SETD2: variants seen among roughly 807,000 people sequenced by gnomAD.
SETD2 encodes SET domain containing 2, histone lysine methyltransferase.
Under a neutral mutation model 242.1 loss-of-function variants are expected in SETD2, and 31 were observed. That is an observed-to-expected ratio of 0.13 (90% CI 0.10 to 0.17). SETD2 has a LOEUF of 0.17. Ranked by LOEUF, SETD2 falls within the 10% of genes least tolerant of loss-of-function variation. The pLI is 1.00. For synonymous variants in SETD2, 1,006 were observed against 1,066.5 expected, an observed-to-expected ratio of 0.94 and a Z score of 1.11; for missense variants, 2,481 against 3,046.3, an observed-to-expected ratio of 0.81 and a Z score of 4.37.
At chr3:47,082,170 T>A (rs2041342968) in intron 12 of SETD2, among the ~76,000 whole-genome samples, 1 of 152,184 alleles carries the variant, frequency 6.6e-6, no homozygotes, top group Admixed American at 6.5e-5. Flanking sequence ...CCCACTATCA[T>A]ACGAAGAAAC....
chr3:47,118,197 C>T (rs567732943), intron 3 of SETD2, among the ~76,000 whole-genome samples: 9 of 152,212 alleles, frequency 5.9e-5, no homozygotes, highest in South Asian at 4.1e-4. Context: ...GATGACTAAA[C>T]GAAATTATCT....
At chr3:47,038,674 C>A (rs1438639653) in intron 17 of SETD2, among the ~76,000 whole-genome samples, 1 of 151,844 alleles carries the variant, frequency 6.6e-6, no homozygotes, top group African/African-American at 2.4e-5. Flanking sequence ...TATTCCCGAC[C>A]GACTGCAAAA....
intron 1 of SETD2, among the ~76,000 whole-genome samples, chr3:47,149,656 T>C (rs893297709): frequency 6.6e-6 from 1 of 152,170 alleles, no homozygotes; most frequent in Non-Finnish European, 1.5e-5. Context: ...CCCTCCCTGA[T>C]TGCCCACCTG....
chr3:47,110,149 G>A (rs2042594339), intron 5 of SETD2, among the ~76,000 whole-genome samples: 1 of 152,140 alleles, frequency 6.6e-6, no homozygotes, highest in Non-Finnish European at 1.5e-5. Flanking sequence ...ATAATGCTAA[G>A]TGAAAGAAGC....
At chr3:47,075,858 C>T (rs969078822) in intron 12 of SETD2, among the ~76,000 whole-genome samples, 1 of 152,082 alleles carries the variant, frequency 6.6e-6, no homozygotes, top group Non-Finnish European at 1.5e-5. Flanking sequence ...ATTTTCTGAC[C>T]ATCTATCAAA....
chr3:47,132,712 A>G (rs1428347262), intron 1 of SETD2, among the ~76,000 whole-genome samples: 1 of 152,222 alleles, frequency 6.6e-6, no homozygotes, highest in South Asian at 2.1e-4. Flanking sequence ...GATTTTAATA[A>G]GCAAAGACTT....
Position 47,083,900 on chromosome 3 carries a change from T to C in SETD2, c.5880A>G (p.Ile1960Met), listed in dbSNP as rs2041425848. The C allele has an allele frequency of 2.5e-6, 4 of 1,614,080 alleles. No individual in the cohort carries two copies. The highest frequency in any genetic ancestry group is 1.1e-5 in the South Asian group (1 of 91,088). Residue 1960 changes from isoleucine (I) to methionine (M), a missense_variant, in exon 12 of 21, where the codon ATA (isoleucine) becomes ATG (methionine). Ile to Met is a conservative substitution (Grantham distance 10). Around this residue, in one of 17 missense-constraint regions of SETD2, gnomAD observed 203 missense variants for 222.4 expected, o/e 0.91. Transcript: ENST00000409792. ...TTGTGCCGTTGCTCTCTTTGGGCTC[T>C]ATTTCAGCGTCAGCTTCTGGTTCAG... is the stretch of plus-strand genomic sequence containing the variant. ...PTSEPEADAE[I>M]EPKESNGTKL...
chr3:47,034,699 A>G (rs2038925729), intron 18 of SETD2, among the ~76,000 whole-genome samples: 1 of 152,208 alleles, frequency 6.6e-6, no homozygotes, highest in Admixed American at 6.5e-5. Context: ...AAATGACAAA[A>G]TAAATAAATC....
At chr3:47,108,348 G>A (rs922465309) in intron 5 of SETD2, among the ~76,000 whole-genome samples, 2 of 151,972 alleles carry the variant, frequency 1.3e-5, no homozygotes, top group Non-Finnish European at 2.9e-5. Context: ...GCTTTTGAAA[G>A]GTAGTATGAA....
At chr3:47,159,511 G>C (rs1365348461) in intron 1 of SETD2, among the ~76,000 whole-genome samples, 1 of 152,062 alleles carries the variant, frequency 6.6e-6, no homozygotes, top group Non-Finnish European at 1.5e-5. Flanking sequence ...TTACCATCTT[G>C]GTACTGGCAG....
rs375514539 is a variant in SETD2 at position 47,122,975 on chromosome 3, C to T, written c.1661G>A (p.Arg554His). Residue 554 changes from arginine (R) to histidine (H), a missense_variant, in exon 3 of 21, where the codon CGT (arginine) becomes CAT (histidine). Arg to His is a conservative substitution (Grantham distance 29). Transcript: ENST00000409792. ...SYSKHDSSAS[R>H]YKSTLSKPIP... ...AGGTTTTGAAAGGGTAGATTTATAA[C>T]GGGAAGCACTACTGTCATGCTTAGA... The T allele has an allele frequency of 3.0e-5, 48 of 1,613,692 alleles. No individual in the cohort carries two copies. The highest frequency in any genetic ancestry group is 9.3e-5 in the African/African-American group (7 of 74,912).
At chr3:47,031,604 G>T (rs1559646391) in intron 18 of SETD2, among the ~76,000 whole-genome samples, 1 of 152,206 alleles carries the variant, frequency 6.6e-6, no homozygotes, top group Non-Finnish European at 1.5e-5. Context: ...AGAATGAAGA[G>T]TGCTGGAAAT....
intron 1 of SETD2, among the ~76,000 whole-genome samples, chr3:47,159,936 C>T (rs1163356088): frequency 6.6e-6 from 1 of 151,530 alleles, no homozygotes; most frequent in Admixed American, 6.6e-5. Flanking sequence ...GATCACACCA[C>T]TGCACTCCAG....
rs758099167 is a variant in SETD2 at position 47,062,366 on chromosome 3, TG to T, written c.6110-21del. On this transcript the variant is annotated intron_variant, in intron 13 of 20. Coordinates refer to ENST00000409792, the MANE Select transcript of SETD2 (RefSeq NM_014159.7). ...CAGTTGCTAAGGGAAAAGGGTGGTT[TG>T]TTTGTTTTTTTTTTTTTTAAGTTTA... is the stretch of plus-strand genomic sequence containing the variant. 2 of 1,494,370 alleles carry T rather than the reference TG, an allele frequency of 1.3e-6. No individual in the cohort carries two copies. The highest frequency in any genetic ancestry group is 2.5e-5 in the South Asian group (2 of 79,872). 92.6% of individuals were successfully genotyped at this position (1,494,370 alleles called of 1,614,324 possible).
rs184731504 is a variant in SETD2 at position 47,063,183 on chromosome 3, A to G, written c.6110-837T>C. Among the ~76,000 whole-genome samples, 327 of 152,320 alleles carry G rather than the reference A, an allele frequency of 2.1e-3. 1 individual carries two copies. Among genetic ancestry groups the G allele is most frequent in the African/African-American group, 7.3e-3 (302 of 41,574 alleles). On this transcript the variant is annotated intron_variant, in intron 13 of 20. Transcript: ENST00000409792. ...GTAGATTTGGTTGACAAAAAAATCC[A>G]CTGTATGTGTGGACTTGTGCAGTTC...
chr3:47,128,258 G>A (rs1483205887), intron 1 of SETD2, among the ~76,000 whole-genome samples: 3 of 152,098 alleles, frequency 2.0e-5, no homozygotes, highest in African/African-American at 2.4e-5. Context: ...AACACAATGC[G>A]CAGCTCTCTG....
In SETD2 at chr3:47,016,498, A is replaced by AT. The variant is rs903119938; in HGVS notation, c.*594dup. 23 of 233,304 alleles carry AT rather than the reference A, an allele frequency of 9.9e-5. No homozygotes were observed. The highest frequency in any genetic ancestry group is 4.8e-4 in the African/African-American group (22 of 45,438). The allele number at this position is 233,304 out of a possible 1,614,324, so 14.5% of individuals were successfully genotyped here. A position where few individuals can be genotyped will look rare whatever the true frequency, so the allele number is the denominator to read the frequency against. On this transcript the variant is annotated 3_prime_UTR_variant, in exon 21 of 21. Coordinates refer to ENST00000409792, the MANE Select transcript of SETD2 (RefSeq NM_014159.7). ...AGTAAAAATTGGATAAAGTAAAGTGATTTTAAGCAGTAAATCAATCTTATC... is the reference window on the plus strand; with the variant it reads ...AGTAAAAATTGGATAAAGTAAAGTGATTTTTAAGCAGTAAATCAATCTTATC...
chr3:47,145,469 G>C, intron 1 of SETD2: 1 of 413,114 alleles, frequency 2.4e-6, no homozygotes, highest in Non-Finnish European at 5.0e-6. Flanking sequence ...ATCCCAGCTT[G>C]CTGCAGCCTT....
intron 2 of SETD2, among the ~76,000 whole-genome samples, chr3:47,124,960 G>C (rs1319457804): frequency 1.3e-5 from 2 of 152,208 alleles, no homozygotes; most frequent in East Asian, 1.9e-4. Flanking sequence ...TGTTCTATCA[G>C]AGATGAAAAA....
Sources: allele counts gnomAD v4.1 joint callset (sites outside exome capture counted in the v4.1 genomes callset), GRCh38; gene constraint gnomAD v4.1.1; regional missense constraint gnomAD v4.1.1; transcripts MANE v1.5; gene names NCBI Gene and HGNC (gene_info 2026-07-23, HGNC 2026-07-21).